ZFHX3: variants seen among roughly 807,000 people sequenced by gnomAD.
The protein encoded by ZFHX3 is zinc finger homeobox protein 3.
ZFHX3 carries 42 observed loss-of-function variants against 279.1 expected under a neutral mutation model. The observed-to-expected ratio is 0.15, with a 90% CI of 0.12 to 0.19. The LOEUF is 0.19. ZFHX3 is among the 10% of genes least tolerant of loss of function. ZFHX3 has a pLI of 1.00. For synonymous variants in ZFHX3, 2,293 were observed against 1,957.8 expected, an observed-to-expected ratio of 1.17 and a Z score of -4.52; for missense variants, 4,981 against 4,754.0, an observed-to-expected ratio of 1.05 and a Z score of -1.40.
At chr16:73,805,289 C>T (rs1256094704) in intron 1 of ZFHX3, among the ~76,000 whole-genome samples, 1 of 152,152 alleles carries the variant, frequency 6.6e-6, no homozygotes, top group Non-Finnish European at 1.5e-5. Flanking sequence ...CTGCCTCAGC[C>T]TCCTAAGTAG....
chr16:73,204,298 C>A (rs2011716088), intron 5 of ZFHX3, among the ~76,000 whole-genome samples: 1 of 150,558 alleles, frequency 6.6e-6, no homozygotes, highest in South Asian at 2.1e-4. Flanking sequence ...TTATTATATT[C>A]ATTATAATAT....
At position 72,795,847 on chromosome 16, in the gene ZFHX3, G is replaced by T. The variant is rs980257462; in HGVS notation, c.6835C>A (p.Leu2279Met). 1 of 1,614,224 alleles carries T rather than the reference G, an allele frequency of 6.2e-7. No homozygotes were observed. ...DDEFEQLSNL[L>M]NLPTRVIVVW... is the part of the protein sequence containing the mutation. ...ACTATCACTCGGGTTGGAAGGTTCA[G>T]TAAATTAGAGAGTTGCTCAAATTCA... The change falls in exon 9 of 10, where the codon CTG (leucine) becomes ATG (methionine). Residue 2279 changes from leucine to methionine, a missense_variant. Physicochemically the swap from Leu to Met is conservative, Grantham distance 15. Around this residue, in one of 7 missense-constraint regions of ZFHX3, gnomAD observed 177 missense variants for 244.2 expected, o/e 0.72. Transcript: ENST00000268489.
chr16:72,890,510 T>C (rs574366764), intron 3 of ZFHX3, among the ~76,000 whole-genome samples: 35 of 150,718 alleles, frequency 2.3e-4, no homozygotes, highest in Middle Eastern at 3.5e-3. Flanking sequence ...TTTTTTTTTT[T>C]TCCCCCAGAG....
rs761544905 is a variant in ZFHX3 at position 72,959,059 on chromosome 16, T to A, written c.1087A>T (p.Ser363Cys). ...STANLIGPGH[S>C]FYGKFSGIRM... ...ATGCCACTAAATTTACCATAAAAAC[T>A]GTGTCCGGGGCCTATGAGGTTAGCT... is the stretch of plus-strand genomic sequence containing the variant. The change falls in exon 2 of 10, where the codon AGT becomes TGT. Residue 363 changes from serine (S) to cysteine (C), a missense_variant. Physicochemically the swap from Ser to Cys is moderately radical, Grantham distance 112. Coordinates refer to ENST00000268489, the MANE Select transcript of ZFHX3 (RefSeq NM_006885.4). The A allele has an allele frequency of 6.2e-7, 1 of 1,613,952 alleles. No homozygotes were observed. The highest frequency in any genetic ancestry group is 1.1e-5 in the South Asian group (1 of 91,032).
upstream of ZFHX3, among the ~76,000 whole-genome samples, chr16:73,051,193 C>A (rs1005388499): frequency 1.3e-5 from 2 of 152,136 alleles, no homozygotes; most frequent in African/African-American, 2.4e-5. Flanking sequence ...TTAAATTATA[C>A]GTATACATTG....
At chr16:73,544,671 G>T (rs1349680449) in intron 2 of ZFHX3, among the ~76,000 whole-genome samples, 2 of 152,280 alleles carry the variant, frequency 1.3e-5, no homozygotes, top group South Asian at 2.1e-4. Context: ...AGAGACCAAA[G>T]ATGCTTGTGG....
rs2035287806 is a variant in ZFHX3 at position 72,784,813 on chromosome 16, T to C, written c.*2351A>G. ...AAAAAAAACAATTAAAAAAGGAATTTGCACTGTGCATCAGCCTAGTTAGAA... is the reference window on the plus strand; with the variant it reads ...AAAAAAAACAATTAAAAAAGGAATTCGCACTGTGCATCAGCCTAGTTAGAA... On this transcript the variant is annotated 3_prime_UTR_variant, in exon 10 of 10. Coordinates refer to ENST00000268489, the MANE Select transcript of ZFHX3 (RefSeq NM_006885.4). The C allele has an allele frequency of 1.3e-5, 2 of 152,520 alleles. No individual in the cohort carries two copies. Among genetic ancestry groups the C allele is most frequent in the Non-Finnish European group, 2.9e-5 (2 of 68,022 alleles). 9.4% of individuals were successfully genotyped at this position (152,520 alleles called of 1,614,324 possible).
intron 3 of ZFHX3, among the ~76,000 whole-genome samples, chr16:73,453,274 A>G (rs1439050678): frequency 1.3e-5 from 2 of 152,234 alleles, no homozygotes; most frequent in Admixed American, 1.3e-4. Context: ...ATTGAGAGGT[A>G]GAGTCTACTG....
At chr16:72,806,571 A>G (rs1323960650) in intron 7 of ZFHX3, among the ~76,000 whole-genome samples, 1 of 152,226 alleles carries the variant, frequency 6.6e-6, no homozygotes, top group East Asian at 1.9e-4. Flanking sequence ...AGATACAGGC[A>G]AAGTGAGAGA....
intron 4 of ZFHX3, among the ~76,000 whole-genome samples, chr16:72,877,998 C>T (rs531749309): frequency 6.6e-6 from 1 of 152,064 alleles, no homozygotes; most frequent in Non-Finnish European, 1.5e-5. Context: ...AGTTCAAGAA[C>T]AGCCCTGACA....
At chr16:72,982,858 C>G (rs1962670403) in intron 1 of ZFHX3, among the ~76,000 whole-genome samples, 1 of 152,124 alleles carries the variant, frequency 6.6e-6, no homozygotes, top group South Asian at 2.1e-4. Context: ...GCTCAAAAGG[C>G]TATTTGTAAA....
intron 1 of ZFHX3, among the ~76,000 whole-genome samples, chr16:73,814,884 T>C (rs1316352010): frequency 6.6e-6 from 1 of 152,066 alleles, no homozygotes; most frequent in Non-Finnish European, 1.5e-5. Flanking sequence ...CACAACTTCT[T>C]AAAAGTAAAG....
intron 2 of ZFHX3, among the ~76,000 whole-genome samples, chr16:73,508,278 T>C (rs1463047912): frequency 1.3e-5 from 2 of 152,196 alleles, no homozygotes; most frequent in African/African-American, 4.8e-5. Flanking sequence ...AATGTTTAAC[T>C]ATGAAATAAA....
chr16:73,063,561 GCT>G (rs1965712746), upstream of ZFHX3, among the ~76,000 whole-genome samples: 1 of 152,266 alleles, frequency 6.6e-6, no homozygotes, highest in South Asian at 2.1e-4. Flanking sequence ...TCAAAAGTTT[GCT>G]CTCAATGCGC....
At chr16:73,320,697 C>CCATTGAAGGCT (rs933227794) in intron 3 of ZFHX3, among the ~76,000 whole-genome samples, 22 of 152,196 alleles carry the variant, frequency 1.4e-4, no homozygotes, top group African/African-American at 5.1e-4. Flanking sequence ...CTCTGTCATC[C>CCATTGAAGGCT]CATTGAAGGC....
intron 2 of ZFHX3, among the ~76,000 whole-genome samples, chr16:73,458,344 C>CCTTT: frequency 7.3e-6 from 1 of 136,802 alleles, no homozygotes; most frequent in Non-Finnish European, 1.6e-5. Flanking sequence ...CTCCCTTCCT[C>CCTTT]CCTCCCTTCC....
intron 2 of ZFHX3, among the ~76,000 whole-genome samples, chr16:73,614,797 T>C (rs368547459): frequency 1.1e-4 from 16 of 152,070 alleles, no homozygotes; most frequent in Non-Finnish European, 5.9e-5. Flanking sequence ...GTGTCCTCTG[T>C]CACCCAGGCT....
At chr16:72,928,463 G>A (rs1959610507) in intron 3 of ZFHX3, among the ~76,000 whole-genome samples, 1 of 151,992 alleles carries the variant, frequency 6.6e-6, no homozygotes, top group African/African-American at 2.4e-5. Context: ...TTGGTTTCCT[G>A]GCTGTTCTCT....
intron 7 of ZFHX3, among the ~76,000 whole-genome samples, chr16:73,128,850 G>T (rs1186693550): frequency 6.6e-6 from 1 of 152,160 alleles, no homozygotes; most frequent in Non-Finnish European, 1.5e-5. Flanking sequence ...GACCATCAGA[G>T]AATACCTTTT....
Sources: gnomAD v4.1 joint callset for allele counts (sites outside exome capture counted in the v4.1 genomes callset) on GRCh38, gnomAD v4.1.1 for gene constraint, gnomAD v4.1.1 regional missense constraint, MANE v1.5 for transcripts, NCBI Gene and HGNC (gene_info 2026-07-23, HGNC 2026-07-21) for gene names.